Variants in LMF1 observed in about 807,000 individuals in gnomAD.
LMF1 encodes the protein transmembrane protein 112.
In LMF1, 68 loss-of-function variants were observed where a neutral mutation model predicts 60.6. The ratio of observed to expected loss-of-function variants is 1.12; its 90% CI spans 0.92 to 1.37. The LOEUF is 1.37. LMF1 is among the 40% of genes most tolerant of loss of function. The pLI, the probability that LMF1 is intolerant of heterozygous loss-of-function variation, is 0.00. For missense variants in LMF1, 948 were observed against 767.2 expected, an observed-to-expected ratio of 1.24 and a Z score of -2.78; for synonymous variants, 418 against 324.7, an observed-to-expected ratio of 1.29 and a Z score of -3.09.
chr16:980,601 C>G (rs1021099674), intron 1 of LMF1: 5 of 152,218 alleles, frequency 3.3e-5, no homozygotes, highest in Non-Finnish European at 7.3e-5. Context: ...CCCGCGTTGG[C>G]TGCCTGACCC....
intron 3 of LMF1, chr16:933,086 GC>G (rs1018801425): frequency 6.6e-6 from 1 of 152,232 alleles, no homozygotes; most frequent in Non-Finnish European, 1.5e-5. Flanking sequence ...ATAATTCCTT[GC>G]TTCTTGCTTT....
chr16:914,699 A>C (rs1596983860), intron 3 of LMF1, among the ~76,000 whole-genome samples: 5 of 4,500 alleles, frequency 1.1e-3, no homozygotes, highest in Admixed American at 3.0e-3. Flanking sequence ...TTGGTGACAC[A>C]CTCCCTCCCA....
intron 3 of LMF1, among the ~76,000 whole-genome samples, chr16:931,947 A>G (rs1597022033): frequency 6.6e-6 from 1 of 152,186 alleles, no homozygotes; most frequent in Admixed American, 6.5e-5. Flanking sequence ...ACCTGAAAAC[A>G]CCCAGGGAGA....
At chr16:924,140 T>C (rs374361625) in intron 3 of LMF1, among the ~76,000 whole-genome samples, 16 of 152,356 alleles carry the variant, frequency 1.1e-4, no homozygotes, top group African/African-American at 3.4e-4. Context: ...GACACAGCTA[T>C]ACTGATGATG....
At chr16:936,571 GGAGA>G (rs1431823680) in intron 2 of LMF1, among the ~76,000 whole-genome samples, 1 of 142,544 alleles carries the variant, frequency 7.0e-6, no homozygotes, top group African/African-American at 2.6e-5. Context: ...TGGCTGGGAG[GGAGA>G]GAGGGCACCC....
upstream of LMF1, chr16:981,345 A>AGT (rs1387318122): frequency 1.2e-3 from 233 of 187,770 alleles, no homozygotes; most frequent in African/African-American, 1.7e-3. Context: ...AGAGAGAGAG[A>AGT]GAGTGTGTGT....
At chr16:948,906 G>C (rs2072342186) in intron 2 of LMF1, among the ~76,000 whole-genome samples, 1 of 97,564 alleles carries the variant, frequency 1.0e-5, no homozygotes. Context: ...GACAGAGTCA[G>C]CCAACGACAG....
Position 954,575 on chromosome 16 carries a change from C to T in LMF1, c.285G>A (p.Gln95=). The change falls in exon 2 of 11, where the codon CAG becomes CAA. Residue 95 remains glutamine, a synonymous_variant. Coordinates refer to ENST00000262301, the MANE Select transcript of LMF1 (RefSeq NM_022773.4). ...LPCRVFLKNF[Q]QYFQDRTSWE... ...AGCTCGTCCTGTCCTGGAAGTACTG[C>T]TGGAAGTTCTTCAGGAACACTCTGC... 1 of 1,613,250 alleles carries T rather than the reference C, an allele frequency of 6.2e-7. No homozygotes were observed. Among genetic ancestry groups the T allele is most frequent in the Non-Finnish European group, 8.5e-7 (1 of 1,179,806 alleles).
At chr16:887,291 C>T (rs1327820297) in intron 5 of LMF1, among the ~76,000 whole-genome samples, 4 of 152,238 alleles carry the variant, frequency 2.6e-5, no homozygotes, top group Non-Finnish European at 4.4e-5. Context: ...GCCCCAGCCG[C>T]TGTGCTCTGT....
intron 1 of LMF1, chr16:969,035 A>G (rs2072984674): frequency 6.6e-6 from 1 of 152,214 alleles, no homozygotes; most frequent in African/African-American, 2.4e-5. Context: ...TACTTTTTAA[A>G]ATAATTGCAG....
chr16:931,357 T>C (rs1597020545), intron 3 of LMF1, among the ~76,000 whole-genome samples: 1 of 152,240 alleles, frequency 6.6e-6, no homozygotes, highest in East Asian at 1.9e-4. Context: ...GGATGCTGCT[T>C]TGCGGGCCGC....
At chr16:892,120 C>T (rs770425844) in intron 5 of LMF1, among the ~76,000 whole-genome samples, 17 of 152,356 alleles carry the variant, frequency 1.1e-4, no homozygotes, top group East Asian at 9.7e-4. Flanking sequence ...AGAGGCACCG[C>T]GTGAGGACGG....
At chr16:957,523 A>T (rs1173159821) in intron 1 of LMF1, among the ~76,000 whole-genome samples, 1 of 152,224 alleles carries the variant, frequency 6.6e-6, no homozygotes, top group Non-Finnish European at 1.5e-5. Flanking sequence ...TTTGATCCAT[A>T]AATTCGGCAC....
At chr16:980,959 A>T (rs1260739056) in intron 1 of LMF1, 1 of 151,254 alleles carries the variant, frequency 6.6e-6, no homozygotes, top group Non-Finnish European at 1.5e-5. Context: ...CGGCCACGCC[A>T]TCCGCCCGGC....
intron 2 of LMF1, among the ~76,000 whole-genome samples, chr16:934,949 G>A (rs913366699): frequency 2.0e-5 from 3 of 152,216 alleles, no homozygotes. Context: ...CGGGCAGGAT[G>A]CACCAATGCC....
intron 2 of LMF1, among the ~76,000 whole-genome samples, chr16:951,306 A>G (rs2072461295): frequency 6.6e-6 from 1 of 152,134 alleles, no homozygotes; most frequent in African/African-American, 2.4e-5. Flanking sequence ...AGTCAGAGCC[A>G]ATGACAGAGT....
At chr16:977,137 C>T (rs1043589710) in intron 1 of LMF1, 3 of 453,218 alleles carry the variant, frequency 6.6e-6, no homozygotes, top group Non-Finnish European at 1.3e-5. Flanking sequence ...TTTCCACTGC[C>T]CTGTGAGCGC....
intron 5 of LMF1, among the ~76,000 whole-genome samples, chr16:891,344 C>T (rs9938425): frequency 0.38 from 57,690 of 152,124 alleles, 12,049 homozygotes; most frequent in African/African-American, 0.54. Flanking sequence ...CAGCCCAGGA[C>T]GCCTGATGCC....
At chr16:968,998 T>C (rs369634413) in intron 1 of LMF1, 1 of 152,178 alleles carries the variant, frequency 6.6e-6, no homozygotes, top group Non-Finnish European at 1.5e-5. Context: ...TTTAATACTG[T>C]GGAGGGAAAA....
Sources: gnomAD v4.1 joint callset for allele counts (sites outside exome capture counted in the v4.1 genomes callset) on GRCh38, gnomAD v4.1.1 for gene constraint, MANE v1.5 for transcripts, NCBI Gene and HGNC (gene_info 2026-07-23, HGNC 2026-07-21) for gene names.